Variants in LYAR observed in about 807,000 individuals in gnomAD.
The protein encoded by LYAR is cell growth-regulating nucleolar protein.
LYAR carries 37 observed loss-of-function variants against 45.2 expected under a neutral mutation model. That is an observed-to-expected ratio of 0.82 (90% CI 0.63 to 1.08). The LOEUF (loss-of-function observed/expected upper bound fraction) is 1.08, where lower values mean the gene tolerates loss of function less well. Among genes scored for constraint, LYAR ranks in the 50% least tolerant of loss-of-function variants. The probability of loss-of-function intolerance (pLI) is 0.00; values close to 1 mark genes in which losing one functional copy is unlikely to be tolerated. For missense variants in LYAR, 493 were observed against 451.0 expected, an observed-to-expected ratio of 1.09 and a Z score of -0.84; for synonymous variants, 176 against 155.1, an observed-to-expected ratio of 1.14 and a Z score of -1.00.
chr4:4,271,102 G>C (rs1199996472), intron 8 of LYAR, among the ~76,000 whole-genome samples: 1 of 151,944 alleles, frequency 6.6e-6, no homozygotes, highest in African/African-American at 2.4e-5. Context: ...TGAAATACTA[G>C]ATCTTATTCA....
chr4:4,285,803 TGA>T (rs1324730233), intron 2 of LYAR, among the ~76,000 whole-genome samples: 1 of 152,134 alleles, frequency 6.6e-6, no homozygotes, highest in Admixed American at 6.5e-5. Flanking sequence ...AAGAGTGAAT[TGA>T]GAGATTCCTG....
chr4:4,278,281 C>G (rs893828474), intron 6 of LYAR, among the ~76,000 whole-genome samples: 5 of 152,110 alleles, frequency 3.3e-5, no homozygotes, highest in Non-Finnish European at 7.4e-5. Flanking sequence ...ATAAGTGAAT[C>G]AACTCCCGAT....
chr4:4,284,086 A>G (rs2980212), intron 2 of LYAR, among the ~76,000 whole-genome samples: 117,090 of 152,204 alleles, frequency 0.77, 45,190 homozygotes, highest in Admixed American at 0.81. Context: ...TTATTGTTCA[A>G]AATTTATATG....
At chr4:4,275,554 C>T (rs1286193245) in intron 6 of LYAR, among the ~76,000 whole-genome samples, 1 of 151,930 alleles carries the variant, frequency 6.6e-6, no homozygotes, top group Non-Finnish European at 1.5e-5. Context: ...AGGCAACACG[C>T]CTGCCTCAGA....
chr4:4,287,710 T>C (rs1322620475), intron 1 of LYAR, among the ~76,000 whole-genome samples: 5 of 152,172 alleles, frequency 3.3e-5, no homozygotes, highest in Non-Finnish European at 7.4e-5. Context: ...CCTGCCTCCA[T>C]CTTGACCTGC....
intron 4 of LYAR, among the ~76,000 whole-genome samples, chr4:4,280,232 T>C (rs1197311227): frequency 6.6e-6 from 1 of 152,176 alleles, no homozygotes; most frequent in Non-Finnish European, 1.5e-5. Flanking sequence ...ACTTGTTTAC[T>C]GAAAACCAAA....
Position 4,274,193 on chromosome 4 carries a change from T to C in LYAR, c.832+174A>G, listed in dbSNP as rs566768392. Among the ~76,000 whole-genome samples, 45 of 151,514 alleles carry C rather than the reference T, an allele frequency of 3.0e-4. No individual in the cohort carries two copies. The South Asian group carries it at 3.5e-3, about 12-fold the overall frequency. Reference sequence around the variant, plus strand: ...TGGAGGTTGCAGTGAGCTGAGATCGTGCCACTGCACTCCAGCCTGGGCAAC... The same window carrying C: ...TGGAGGTTGCAGTGAGCTGAGATCGCGCCACTGCACTCCAGCCTGGGCAAC... On this transcript the variant is annotated intron_variant, in intron 7 of 9. Coordinates refer to ENST00000343470, the MANE Select transcript of LYAR (RefSeq NM_017816.3).
chr4:4,271,937 C>T (rs1718951553), intron 8 of LYAR, among the ~76,000 whole-genome samples: 1 of 152,206 alleles, frequency 6.6e-6, no homozygotes, highest in Non-Finnish European at 1.5e-5. Context: ...GTTCAGCAAC[C>T]TGGGTGAATC....
At chr4:4,274,095 G>A (rs930767367) in intron 7 of LYAR, among the ~76,000 whole-genome samples, 1 of 152,104 alleles carries the variant, frequency 6.6e-6, no homozygotes, top group African/African-American at 2.4e-5. Flanking sequence ...AAATTAGCTG[G>A]GTCTGGTGAC....
intron 1 of LYAR, 82 bp downstream of exon 1, chr4:4,289,954 G>A (rs892550151): frequency 7.9e-5 from 12 of 152,392 alleles, no homozygotes; most frequent in Admixed American, 3.9e-4. Context: ...CAGAGGGGCT[G>A]ACGGTGGAAA....
chr4:4,273,686 AT>A lies in LYAR; in HGVS notation c.833-18del, dbSNP rs762777417. On this transcript the variant is annotated intron_variant, in intron 7 of 9. Transcript: ENST00000343470. ...CTGTTTCAACTAAGTATTTGGAAAG[AT>A]TTTTTTTAAAGAAGATTTTGCATTT... 1.8e-5 allele frequency: 27 copies of A among 1,537,528 alleles called. No homozygotes were observed. The highest frequency in any genetic ancestry group is 1.1e-5 in the South Asian group (1 of 88,160).
At chr4:4,270,811 C>G (rs531779119) in intron 8 of LYAR, among the ~76,000 whole-genome samples, 1 of 152,292 alleles carries the variant, frequency 6.6e-6, no homozygotes, top group South Asian at 2.1e-4. Flanking sequence ...AAACTAGATC[C>G]TTTACACACT....
At position 4,268,125 on chromosome 4, in the gene LYAR, A is replaced by C. The variant is rs578108031; in HGVS notation, c.1006-102T>G. The C allele has an allele frequency of 1.3e-4, 151 of 1,160,642 alleles. No homozygotes were observed. The African/African-American group carries it at 2.2e-3, about 17-fold the overall frequency. 71.9% of individuals were successfully genotyped at this position (1,160,642 alleles called of 1,614,324 possible). On this transcript the variant is annotated intron_variant, in intron 9 of 9. Transcript: ENST00000343470. ...ATAGAACAACAGGAAAAAATAAAAG[A>C]AACCCAGGAGCAAGCGACACCGGCG...
chr4:4,268,837 A>G, intron 8 of LYAR: 1 of 442,624 alleles, frequency 2.3e-6, no homozygotes, highest in Non-Finnish European at 4.0e-6. Flanking sequence ...CCCATGTGCT[A>G]TTGGCATGAC....
In LYAR at chr4:4,267,864, A is replaced by C; in HGVS notation, c.*25T>G. 1 of 1,590,776 alleles carries C rather than the reference A, an allele frequency of 6.3e-7. No individual in the cohort carries two copies. The highest frequency in any genetic ancestry group is 8.6e-7 in the Non-Finnish European group (1 of 1,168,546). ...TGAAAGGAAGAAGTCAGCAGAATGG[A>C]TTCAATTTTTAAATACACAAATGTT... On this transcript the variant is annotated 3_prime_UTR_variant, in exon 10 of 10. Transcript: ENST00000343470.
intron 2 of LYAR, among the ~76,000 whole-genome samples, chr4:4,285,204 C>A (rs896810545): frequency 1.3e-5 from 2 of 152,196 alleles, no homozygotes; most frequent in African/African-American, 4.8e-5. Context: ...CCCCGCTCCT[C>A]AGCTCACTAT....
chr4:4,280,282 G>C (rs1198371883), intron 4 of LYAR, among the ~76,000 whole-genome samples: 1 of 152,084 alleles, frequency 6.6e-6, no homozygotes, highest in Non-Finnish European at 1.5e-5. Flanking sequence ...ACAAATAAAT[G>C]AAAAACATTC....
At chr4:4,271,560 C>T (rs1718934564) in intron 8 of LYAR, among the ~76,000 whole-genome samples, 1 of 152,160 alleles carries the variant, frequency 6.6e-6, no homozygotes, top group South Asian at 2.1e-4. Flanking sequence ...TGGACGGGAG[C>T]TCTATTCTTA....
intron 8 of LYAR, among the ~76,000 whole-genome samples, chr4:4,271,912 G>A (rs1161755576): frequency 2.0e-5 from 3 of 152,206 alleles, no homozygotes; most frequent in Non-Finnish European, 2.9e-5. Context: ...TCACCAATAA[G>A]ATGAATATTG....
Sources: gnomAD v4.1 joint callset for allele counts (sites outside exome capture counted in the v4.1 genomes callset) on GRCh38, gnomAD v4.1.1 for gene constraint, MANE v1.5 for transcripts, NCBI Gene and HGNC (gene_info 2026-07-23, HGNC 2026-07-21) for gene names.